The following HSP90AA1 variants were observed in gnomAD, a reference collection of about 807,000 sequenced individuals.
HSP90AA1 encodes the protein heat shock protein HSP 90-alpha.
In HSP90AA1, 18 loss-of-function variants were observed where a neutral mutation model predicts 73.3. That is an observed-to-expected ratio of 0.25 (90% CI 0.17 to 0.36). The LOEUF is 0.36. HSP90AA1 is among the 10% of genes least tolerant of loss of function. The pLI, the probability that HSP90AA1 is intolerant of heterozygous loss-of-function variation, is 1.00. For synonymous variants in HSP90AA1, 477 were observed against 296.9 expected, an observed-to-expected ratio of 1.61 and a Z score of -6.24; for missense variants, 704 against 874.2, an observed-to-expected ratio of 0.81 and a Z score of 2.45.
intron 1 of HSP90AA1, among the ~76,000 whole-genome samples, chr14:102,110,233 G>A (rs932745378): frequency 3.2e-4 from 48 of 151,942 alleles, no homozygotes; most frequent in Admixed American, 2.8e-3. Flanking sequence ...GCACCCGGCT[G>A]ACTCATGTTA....
At chr14:102,104,691 T>C (rs1029485951) in intron 1 of HSP90AA1, among the ~76,000 whole-genome samples, 7 of 152,104 alleles carry the variant, frequency 4.6e-5, no homozygotes, top group African/African-American at 1.7e-4. Flanking sequence ...CCAGAACTTA[T>C]TCCTTCTAAC....
intron 2 of HSP90AA1, among the ~76,000 whole-genome samples, chr14:102,096,912 T>C (rs1243205870): frequency 6.6e-6 from 1 of 152,220 alleles, no homozygotes; most frequent in African/African-American, 2.4e-5. Flanking sequence ...CCATCATTAA[T>C]GTTTCACCCT....
At chr14:102,137,052 A>G (rs2050009232) in intron 1 of HSP90AA1, among the ~76,000 whole-genome samples, 1 of 151,854 alleles carries the variant, frequency 6.6e-6, no homozygotes, top group South Asian at 2.1e-4. Context: ...CGTCTCTACT[A>G]AAAATACAAA....
intron 1 of HSP90AA1, among the ~76,000 whole-genome samples, chr14:102,106,417 A>G (rs1311867587): frequency 1.3e-5 from 2 of 152,156 alleles, no homozygotes; most frequent in Non-Finnish European, 2.9e-5. Flanking sequence ...GCTAATATCA[A>G]GTAGGGAGCT....
Position 102,139,656 on chromosome 14 carries a change from G to C in HSP90AA1, c.-252C>G, listed in dbSNP as rs1217776399. ...ACTAGCTGAAGCCGGCATCACCTGG[G>C]AAGCAGCCATGCCGCCCGGAGGCCA... On this transcript the variant is annotated 5_prime_UTR_variant, in exon 1 of 12. Coordinates refer to the HSP90AA1 transcript ENST00000334701. 4.0e-5 allele frequency: 26 copies of C among 647,806 alleles called. 1 individual carries two copies. The Admixed American group carries it at 5.9e-4, about 15-fold the overall frequency. 40.1% of individuals were successfully genotyped at this position (647,806 alleles called of 1,614,324 possible).
rs2050211719 is a variant in HSP90AA1, at chr14:102,139,654, G to C, written c.-250C>G. ...CCACTAGCTGAAGCCGGCATCACCT[G>C]GGAAGCAGCCATGCCGCCCGGAGGC... On this transcript the variant is annotated 5_prime_UTR_variant, in exon 1 of 12. Coordinates refer to the HSP90AA1 transcript ENST00000334701. The C allele has an allele frequency of 2.6e-5, 17 of 646,568 alleles. 1 individual carries two copies. The highest frequency in any genetic ancestry group is 4.2e-4 in the Middle Eastern group (1 of 2,384). The allele number at this position is 646,568 out of a possible 1,614,324, so 40.1% of individuals were successfully genotyped here. A position where few individuals can be genotyped will look rare whatever the true frequency, so the allele number is the denominator to read the frequency against.
At chr14:102,086,722 G>A (rs1033112058) in intron 1 of HSP90AA1, among the ~76,000 whole-genome samples, 2 of 150,792 alleles carry the variant, frequency 1.3e-5, no homozygotes, top group Admixed American at 6.6e-5. Flanking sequence ...CCCCCGCGGC[G>A]GGGCCGCTCT....
intron 1 of HSP90AA1, among the ~76,000 whole-genome samples, chr14:102,105,344 A>G (rs2049553347): frequency 6.6e-6 from 1 of 152,154 alleles, no homozygotes; most frequent in Non-Finnish European, 1.5e-5. Context: ...TTGGAAAGAC[A>G]GATGCAAGAA....
In HSP90AA1 at chr14:102,082,167, A is replaced by G; in HGVS notation, c.2033T>C (p.Leu678Pro). The change falls in exon 10 of 11, where the codon CTG becomes CCG. Residue 678 changes from leucine (L) to proline (P), a missense_variant. Transcript: ENST00000216281. ...ETALLSSGFS[L>P]EDPQTHANRI... The stretch of plus-strand genomic sequence containing the variant: ...GTTAGCATGTGTCTGGGGATCTTCC[A>G]GACTGAAGCCAGAAGACAGGAGCGC... 1 of 1,613,916 alleles carries G rather than the reference A, an allele frequency of 6.2e-7. No individual in the cohort carries two copies. Among genetic ancestry groups the G allele is most frequent in the Non-Finnish European group, 8.5e-7 (1 of 1,179,780 alleles).
rs191100214 is a variant in HSP90AA1, at chr14:102,130,111, C to T, written c.155+9139G>A. On this transcript the variant is annotated intron_variant, in intron 1 of 11. Transcript: ENST00000334701. ...TCAGCCTCCTGAGTAGCTGGGATTA[C>T]AGGCCCGCACCACCACACCTGGCTA... Among the ~76,000 whole-genome samples, 4 of 152,166 alleles carry T rather than the reference C, an allele frequency of 2.6e-5. No individual in the cohort carries two copies. In the East Asian group the frequency reaches 7.7e-4, roughly 29 times the overall value.
At chr14:102,096,436 G>C (rs914374642) in intron 2 of HSP90AA1, among the ~76,000 whole-genome samples, 2 of 152,184 alleles carry the variant, frequency 1.3e-5, no homozygotes, top group African/African-American at 4.8e-5. Context: ...AGCAGCCCAA[G>C]GGTCTACGGT....
At chr14:102,116,012 T>C (rs978770567) in intron 1 of HSP90AA1, among the ~76,000 whole-genome samples, 1 of 150,162 alleles carries the variant, frequency 6.7e-6, no homozygotes, top group East Asian at 2.0e-4. Flanking sequence ...AGTGCAGTGG[T>C]GCCATCTCGT....
At chr14:102,101,782 C>G in intron 2 of HSP90AA1, 1 of 1,009,622 alleles carries the variant, frequency 9.9e-7, no homozygotes, top group Non-Finnish European at 1.5e-6. Flanking sequence ...ATTGTTTTAG[C>G]TTTCTGTGAC....
Position 102,082,967 on chromosome 14 carries a change from C to A in HSP90AA1, c.1755+67G>T, listed in dbSNP as rs561729830. The A allele has an allele frequency of 2.1e-6, 3 of 1,459,982 alleles. No homozygotes were observed. In the South Asian group the frequency reaches 3.4e-5, roughly 17 times the overall value. 90.4% of individuals were successfully genotyped at this position (1,459,982 alleles called of 1,614,324 possible). A position where few individuals can be genotyped will look rare whatever the true frequency, so the allele number is the denominator to read the frequency against. On this transcript the variant is annotated intron_variant, in intron 9 of 10. Coordinates refer to ENST00000216281, the MANE Select transcript of HSP90AA1 (RefSeq NM_005348.4). ...TAAGTTGAAAACATGCGAAAATGGG[C>A]TATGTATGACTAAGCTTGAAAGCAC...
intron 2 of HSP90AA1, among the ~76,000 whole-genome samples, chr14:102,093,199 A>T (rs925321070): frequency 1.9e-4 from 28 of 149,356 alleles, no homozygotes; most frequent in African/African-American, 6.1e-4. Context: ...TAAATTAAAA[A>T]ATATATATAT....
At chr14:102,099,741 C>G (rs997726681) in intron 2 of HSP90AA1, among the ~76,000 whole-genome samples, 1 of 152,194 alleles carries the variant, frequency 6.6e-6, no homozygotes, top group Non-Finnish European at 1.5e-5. Context: ...AAGGTGGACG[C>G]TTCATGCTTG....
At chr14:102,134,719 C>T (rs972920006) in intron 1 of HSP90AA1, among the ~76,000 whole-genome samples, 3 of 152,100 alleles carry the variant, frequency 2.0e-5, no homozygotes, top group African/African-American at 4.8e-5. Flanking sequence ...CAAATCTTCG[C>T]GGTGAGTGTT....
At chr14:102,083,348 T>G in intron 8 of HSP90AA1, 46 bp from the exon 9 acceptor site, 2 of 1,601,114 alleles carry the variant, frequency 1.2e-6, no homozygotes, top group Non-Finnish European at 1.7e-6. Flanking sequence ...CAGTTAAGAA[T>G]GGTTTCATCT....
intron 1 of HSP90AA1, among the ~76,000 whole-genome samples, chr14:102,136,844 A>G (rs1297514565): frequency 6.7e-6 from 1 of 150,240 alleles, no homozygotes; most frequent in Non-Finnish European, 1.5e-5. Context: ...GTCGAGATTG[A>G]GCCATTGCAC....
Sources: allele counts gnomAD v4.1 joint callset (sites outside exome capture counted in the v4.1 genomes callset), GRCh38; gene constraint gnomAD v4.1.1; transcripts MANE v1.5; gene names NCBI Gene and HGNC (gene_info 2026-07-23, HGNC 2026-07-21).